USP46: variants seen among roughly 807,000 people sequenced by gnomAD.
The protein encoded by USP46 is ubiquitin carboxyl-terminal hydrolase 46.
Under a neutral mutation model 44.4 loss-of-function variants are expected in USP46, and 12 were observed. The observed-to-expected ratio is 0.27, with a 90% CI of 0.17 to 0.44. The LOEUF (loss-of-function observed/expected upper bound fraction) is 0.44. Ranked by LOEUF, USP46 falls within the 20% of genes least tolerant of loss-of-function variation. The pLI, the probability that USP46 is intolerant of heterozygous loss-of-function variation, is 1.00. For synonymous variants in USP46, 155 were observed against 161.5 expected (o/e 0.96, Z 0.31); for missense variants, 248 against 444.8 (o/e 0.56, Z 3.98).
At chr4:52,613,721 C>CAAAAAA (rs59351260) in intron 4 of USP46, among the ~76,000 whole-genome samples, 1 of 77,082 alleles carries the variant, frequency 1.3e-5, no homozygotes, top group Middle Eastern at 9.8e-3. Context: ...GACTCCATCT[C>CAAAAAA]AAAAAAAAAA....
intron 4 of USP46, among the ~76,000 whole-genome samples, chr4:52,621,211 G>T (rs1361461971): frequency 6.6e-6 from 1 of 152,156 alleles, no homozygotes; most frequent in Non-Finnish European, 1.5e-5. Context: ...AAGTACAGTA[G>T]AGAGAGGAAA....
At chr4:52,624,500 C>A (rs1442955199) in intron 4 of USP46, among the ~76,000 whole-genome samples, 1 of 152,094 alleles carries the variant, frequency 6.6e-6, no homozygotes, top group African/African-American at 2.4e-5. Context: ...TTTCTCATTG[C>A]TTCTACAATG....
rs1716171352 is a variant in USP46, at chr4:52,595,049, G to A, written c.*2591C>T. 6.6e-6 allele frequency: 1 copy of A among 152,074 alleles called. No homozygotes were observed. Among genetic ancestry groups the A allele is most frequent in the African/African-American group, 2.4e-5 (1 of 41,290 alleles). The allele number at this position is 152,074 out of a possible 1,614,324, so 9.4% of individuals were successfully genotyped here. A position where few individuals can be genotyped will look rare whatever the true frequency, so the allele number is the denominator to read the frequency against. On this transcript the variant is annotated 3_prime_UTR_variant, in exon 9 of 9. Transcript: ENST00000441222. ...GTTCCTTCTGTTTTTTTTTTAAAGT[G>A]TAAAACATTGTAACTTATTTTGTAA...
chr4:52,630,929 C>T, intron 2 of USP46, 135 bp downstream of exon 2: 1 of 712,292 alleles, frequency 1.4e-6, no homozygotes, highest in Non-Finnish European at 2.3e-6. Context: ...TGCTTTCTCC[C>T]CAATATTGGC....
Position 52,634,574 on chromosome 4 carries a change from G to A in USP46, c.37-3430C>T, listed in dbSNP as rs576911510. On this transcript the variant is annotated intron_variant, in intron 1 of 8. Transcript: ENST00000441222. ...TGAGTAGCTGGGATTACAGGCATTCGCCACCATGCCCAGCTAATTTTTGTA... is the reference window on the plus strand; with the variant it reads ...TGAGTAGCTGGGATTACAGGCATTCACCACCATGCCCAGCTAATTTTTGTA... 3.3e-5 allele frequency among the ~76,000 whole-genome samples: 5 copies of A among 150,552 alleles called. No individual in the cohort carries two copies. In the South Asian group the frequency reaches 8.4e-4, roughly 25 times the overall value.
At chr4:52,656,388 C>T in intron 1 of USP46, 2 of 1,544,694 alleles carry the variant, frequency 1.3e-6, no homozygotes, top group Middle Eastern at 1.7e-4. Context: ...TTTCCTCATA[C>T]CCAGCCTTCT....
intron 1 of USP46, among the ~76,000 whole-genome samples, chr4:52,644,737 T>TAAAAAA (rs781627890): frequency 9.2e-6 from 1 of 108,436 alleles, no homozygotes; most frequent in Non-Finnish European, 1.9e-5. Flanking sequence ...GATATTGAAT[T>TAAAAAA]AAAAAAAAAA....
chr4:52,631,357 C>G (rs1717819541), intron 1 of USP46, among the ~76,000 whole-genome samples: 2 of 152,154 alleles, frequency 1.3e-5, no homozygotes, highest in African/African-American at 4.8e-5. Context: ...TATTCATCCC[C>G]TAAAACCTAC....
intron 3 of USP46, 132 bp from the exon 4 acceptor site, chr4:52,626,379 G>C: frequency 1.3e-6 from 1 of 741,626 alleles, no homozygotes; most frequent in Non-Finnish European, 2.1e-6. Flanking sequence ...CTAGAGCGTA[G>C]TGGCATGATC....
At chr4:52,648,459 C>T (rs1313416902) in intron 1 of USP46, among the ~76,000 whole-genome samples, 2 of 152,104 alleles carry the variant, frequency 1.3e-5, no homozygotes, top group Non-Finnish European at 2.9e-5. Context: ...AGAATAAGGT[C>T]AAATTAGGGT....
chr4:52,640,247 T>C (rs1467304129), intron 1 of USP46, among the ~76,000 whole-genome samples: 1 of 152,154 alleles, frequency 6.6e-6, no homozygotes, highest in Non-Finnish European at 1.5e-5. Context: ...AGGACAATAC[T>C]GTAAATGTGG....
rs536214234 is a variant in USP46, at chr4:52,604,891, C to A, written c.639-307G>T. Among the ~76,000 whole-genome samples, 10 of 152,168 alleles carry A rather than the reference C, an allele frequency of 6.6e-5. No individual in the cohort carries two copies. The East Asian group carries it at 1.2e-3, about 18-fold the overall frequency. ...GGCAGATATAAATTAGGGTTTCCAA[C>A]TGGATTCAGAAAAAAAACTCATGAT... On this transcript the variant is annotated intron_variant, in intron 5 of 8. Coordinates refer to ENST00000441222, the MANE Select transcript of USP46 (RefSeq NM_022832.4).
At chr4:52,638,865 T>C (rs915338258) in intron 1 of USP46, among the ~76,000 whole-genome samples, 1 of 152,044 alleles carries the variant, frequency 6.6e-6, no homozygotes, top group African/African-American at 2.4e-5. Context: ...GTTCGTGCTC[T>C]CCCTATGTAC....
chr4:52,642,685 T>A (rs1462289392), intron 1 of USP46, among the ~76,000 whole-genome samples: 1 of 152,070 alleles, frequency 6.6e-6, no homozygotes, highest in East Asian at 1.9e-4. Flanking sequence ...AGAGGAGACA[T>A]GAGATGTAGT....
rs1006320498 is a variant in USP46, at chr4:52,596,571, T to C, written c.*1069A>G. The C allele has an allele frequency of 2.0e-5, 3 of 152,138 alleles. No homozygotes were observed. The highest frequency in any genetic ancestry group is 7.2e-5 in the African/African-American group (3 of 41,404). The allele number at this position is 152,138 out of a possible 1,614,324, so 9.4% of individuals were successfully genotyped here. On this transcript the variant is annotated 3_prime_UTR_variant, in exon 9 of 9. Transcript: ENST00000441222. ...TGAGCCACCTCTATACCCAGCTAAC[T>C]CTGGTATTCCCTCTAGGGAAGGTTC...
At chr4:52,610,425 T>G (rs1485698043) in intron 5 of USP46, 116 bp downstream of exon 5, 6 of 855,016 alleles carry the variant, frequency 7.0e-6, no homozygotes, top group Non-Finnish European at 9.1e-6. Flanking sequence ...TAGAAAATAA[T>G]AGGATCATAT....
At chr4:52,636,508 C>A (rs1718120720) in intron 1 of USP46, among the ~76,000 whole-genome samples, 1 of 151,894 alleles carries the variant, frequency 6.6e-6, no homozygotes, top group Admixed American at 6.6e-5. Flanking sequence ...GAGTTCAAGA[C>A]CAGCCTGGCC....
chr4:52,653,687 ACATCT>A lies in USP46; in HGVS notation c.36+5423_36+5427del, dbSNP rs981444446. On this transcript the variant is annotated intron_variant, in intron 1 of 8. Coordinates refer to ENST00000441222, the MANE Select transcript of USP46 (RefSeq NM_022832.4). ...ACTAGACTAAAAGACACCATCTTTTACATCTCTTCCAGTTAGTTAGCTTTGGGTGG... is the reference window on the plus strand; with the variant it reads ...ACTAGACTAAAAGACACCATCTTTTACTTCCAGTTAGTTAGCTTTGGGTGG... 2.0e-5 allele frequency among the ~76,000 whole-genome samples: 3 copies of A among 152,098 alleles called. 1 individual carries two copies. The highest frequency in any genetic ancestry group is 2.0e-4 in the Admixed American group (3 of 15,276).
intron 4 of USP46, among the ~76,000 whole-genome samples, chr4:52,615,531 G>C (rs1717100299): frequency 6.6e-6 from 1 of 152,076 alleles, no homozygotes; most frequent in African/African-American, 2.4e-5. Context: ...CATGAAGCTG[G>C]AACACTATTT....
Sources: allele counts gnomAD v4.1 joint callset (sites outside exome capture counted in the v4.1 genomes callset), GRCh38; gene constraint gnomAD v4.1.1; transcripts MANE v1.5; gene names NCBI Gene and HGNC (gene_info 2026-07-23, HGNC 2026-07-21).